PRKCA: variants seen among roughly 807,000 people sequenced by gnomAD.
PRKCA encodes the protein protein kinase C alpha type.
PRKCA carries 27 observed loss-of-function variants against 87.0 expected under a neutral mutation model. The ratio of observed to expected loss-of-function variants is 0.31; its 90% confidence interval spans 0.23 to 0.43. PRKCA has a LOEUF of 0.43. Ranked by LOEUF, PRKCA falls within the 20% of genes least tolerant of loss-of-function variation. PRKCA has a pLI of 1.00. For missense variants in PRKCA, 518 were observed against 852.3 expected, an observed-to-expected ratio of 0.61 and a Z score of 4.88; for synonymous variants, 329 against 311.1, an observed-to-expected ratio of 1.06 and a Z score of -0.61.
At chr17:66,637,600 T>A (rs553488333) in intron 3 of PRKCA, among the ~76,000 whole-genome samples, 4 of 152,128 alleles carry the variant, frequency 2.6e-5, no homozygotes, top group Non-Finnish European at 5.9e-5. Flanking sequence ...GAGAGAAACA[T>A]TTAGGAGGTA....
chr17:66,352,805 G>T lies in PRKCA; in HGVS notation c.205+46678G>T, dbSNP rs894749687. On this transcript the variant is annotated intron_variant, in intron 2 of 16. Coordinates refer to ENST00000413366, the MANE Select transcript of PRKCA (RefSeq NM_002737.3). Reference sequence around the variant, plus strand: ...TCTTGAACTCCTGACCTTGTGATCCGCCCGCCTCTACCTTCCAAAGTGCTG... The same window carrying T: ...TCTTGAACTCCTGACCTTGTGATCCTCCCGCCTCTACCTTCCAAAGTGCTG... 1.3e-3 allele frequency among the ~76,000 whole-genome samples: 192 copies of T among 151,504 alleles called. 1 individual carries two copies. Among genetic ancestry groups the T allele is most frequent in the African/African-American group, 4.2e-3 (175 of 41,350 alleles).
intron 8 of PRKCA, among the ~76,000 whole-genome samples, chr17:66,714,456 T>G (rs1191655388): frequency 1.3e-5 from 2 of 152,152 alleles, no homozygotes; most frequent in East Asian, 3.9e-4. Flanking sequence ...AGCTCCTCAG[T>G]CCTGTCCAAG....
chr17:66,774,495 T>C (rs1435084819), intron 14 of PRKCA: 1 of 671,902 alleles, frequency 1.5e-6, no homozygotes, highest in Non-Finnish European at 1.9e-6. Flanking sequence ...GTGGTGCACA[T>C]CTGTAAACTC....
chr17:66,349,313 G>A (rs1567784055), intron 2 of PRKCA, among the ~76,000 whole-genome samples: 1 of 151,976 alleles, frequency 6.6e-6, no homozygotes, highest in Non-Finnish European at 1.5e-5. Flanking sequence ...ATTCCTTCTG[G>A]GCTTTTGCTG....
At chr17:66,570,727 T>G (rs547810370) in intron 3 of PRKCA, among the ~76,000 whole-genome samples, 141 of 152,324 alleles carry the variant, frequency 9.3e-4, no homozygotes, top group Non-Finnish European at 1.2e-3. Flanking sequence ...TGTGCTCGTC[T>G]GGAGCTGTGT....
intron 3 of PRKCA, among the ~76,000 whole-genome samples, chr17:66,538,356 C>T (rs944298198): frequency 3.3e-5 from 5 of 152,156 alleles, no homozygotes; most frequent in African/African-American, 7.2e-5. Context: ...TCTCTGCTCT[C>T]GGGAGACATC....
At chr17:66,704,525 T>A (rs1973144248) in intron 8 of PRKCA, among the ~76,000 whole-genome samples, 1 of 152,224 alleles carries the variant, frequency 6.6e-6, no homozygotes, top group Non-Finnish European at 1.5e-5. Flanking sequence ...ATGACTGAAG[T>A]CTCATGCAGA....
chr17:66,702,529 T>C (rs1260125319), intron 8 of PRKCA, among the ~76,000 whole-genome samples: 2 of 152,152 alleles, frequency 1.3e-5, no homozygotes. Context: ...ATAATAATAA[T>C]GTGTTTTTAT....
At chr17:66,503,055 A>C (rs1044157259) in intron 3 of PRKCA, among the ~76,000 whole-genome samples, 1 of 152,196 alleles carries the variant, frequency 6.6e-6, no homozygotes, top group African/African-American at 2.4e-5. Flanking sequence ...GTTTACACAT[A>C]ATCTTTAGAG....
At chr17:66,329,748 C>T (rs1191580297) in intron 2 of PRKCA, among the ~76,000 whole-genome samples, 1 of 152,084 alleles carries the variant, frequency 6.6e-6, no homozygotes, top group Non-Finnish European at 1.5e-5. Context: ...TCGTAATGGG[C>T]AGAGTAAAGG....
At chr17:66,560,445 G>A (rs561109009) in intron 3 of PRKCA, among the ~76,000 whole-genome samples, 1 of 152,304 alleles carries the variant, frequency 6.6e-6, no homozygotes, top group South Asian at 2.1e-4. Flanking sequence ...CATTGTCAGT[G>A]TATTATTTAG....
At chr17:66,459,151 T>C (rs1914719433) in intron 2 of PRKCA, among the ~76,000 whole-genome samples, 1 of 151,716 alleles carries the variant, frequency 6.6e-6, no homozygotes, top group Non-Finnish European at 1.5e-5. Context: ...GGTGGGTGGA[T>C]TGCTTCAGCC....
intron 3 of PRKCA, among the ~76,000 whole-genome samples, chr17:66,606,744 A>G (rs1970221005): frequency 5.9e-5 from 9 of 152,214 alleles, no homozygotes; most frequent in Admixed American, 5.2e-4. Flanking sequence ...ATCAGTGGCC[A>G]TATATATCAA....
chr17:66,790,927 G>A (rs1294280882), intron 16 of PRKCA, among the ~76,000 whole-genome samples: 1 of 151,684 alleles, frequency 6.6e-6, no homozygotes, highest in Non-Finnish European at 1.5e-5. Flanking sequence ...TGTACCCATG[G>A]CAGGCAGCTG....
intron 3 of PRKCA, among the ~76,000 whole-genome samples, chr17:66,611,923 GTT>G (rs933373619): frequency 1.3e-5 from 2 of 152,142 alleles, no homozygotes; most frequent in African/African-American, 4.8e-5. Flanking sequence ...GGCTAATGAT[GTT>G]GAACATGTTT....
intron 5 of PRKCA, among the ~76,000 whole-genome samples, chr17:66,661,902 C>T (rs1971915059): frequency 6.6e-6 from 1 of 152,166 alleles, no homozygotes; most frequent in African/African-American, 2.4e-5. Context: ...AACAACCTTC[C>T]CCTGCGGCAG....
intron 3 of PRKCA, among the ~76,000 whole-genome samples, chr17:66,623,413 T>C (rs1970749802): frequency 6.6e-6 from 1 of 152,132 alleles, no homozygotes; most frequent in African/African-American, 2.4e-5. Context: ...AAGGAATGGG[T>C]GGAAAGCTGC....
intron 2 of PRKCA, among the ~76,000 whole-genome samples, chr17:66,314,875 A>ATATATG (rs376227848): frequency 6.7e-6 from 1 of 148,560 alleles, no homozygotes; most frequent in African/African-American, 2.5e-5. Context: ...ATATATATAT[A>ATATATG]TGTGTGTGTG....
intron 8 of PRKCA, among the ~76,000 whole-genome samples, chr17:66,724,805 T>C (rs1973703202): frequency 6.6e-6 from 1 of 152,242 alleles, no homozygotes; most frequent in African/African-American, 2.4e-5. Context: ...TGATTTTATT[T>C]GCACTCCTGG....
Sources: allele counts gnomAD v4.1 joint callset (sites outside exome capture counted in the v4.1 genomes callset), GRCh38; gene constraint gnomAD v4.1.1; transcripts MANE v1.5; gene names NCBI Gene and HGNC (gene_info 2026-07-23, HGNC 2026-07-21).